The following RAB5B variants were observed in gnomAD, a reference collection of about 807,000 sequenced individuals.
The protein encoded by RAB5B is RAB5B, member RAS oncogene family.
A neutral mutation model predicts 28.6 loss-of-function variants in RAB5B; 11 were observed. The observed-to-expected ratio is 0.38, with a 90% CI of 0.24 to 0.64. The LOEUF is 0.64. Ranked by LOEUF, RAB5B falls within the 30% of genes least tolerant of loss-of-function variation. RAB5B has a pLI of 0.53. For synonymous variants in RAB5B, 93 were observed against 97.9 expected (o/e 0.95, Z 0.29); for missense variants, 169 against 265.6 (o/e 0.64, Z 2.53).
chr12:55,987,513 CTT>C (rs1889986136), intron 2 of RAB5B, among the ~76,000 whole-genome samples: 1 of 152,032 alleles, frequency 6.6e-6, no homozygotes, highest in Non-Finnish European at 1.5e-5. Context: ...AGCTGGCCCT[CTT>C]AGTCCCATTC....
rs943391526 is a variant in RAB5B, at chr12:55,990,595, G to C, written c.316-87G>C. ...TTCACTGAGGGAAGACCACCTAGAA[G>C]AGGTGAATTTTGAGACTCATTTTAA... On this transcript the variant is annotated intron_variant, in intron 3 of 5. Transcript: ENST00000360299. 2.6e-6 allele frequency: 4 copies of C among 1,527,622 alleles called. No individual in the cohort carries two copies. In the African/African-American group the frequency reaches 5.5e-5, roughly 21 times the overall value. The allele number at this position is 1,527,622 out of a possible 1,614,324, so 94.6% of individuals were successfully genotyped here.
At chr12:55,992,073 G>C (rs772565133) in intron 5 of RAB5B, 24 bp from the exon 6 acceptor site, 22 of 1,593,626 alleles carry the variant, frequency 1.4e-5, no homozygotes, top group Non-Finnish European at 1.7e-6. Flanking sequence ...ACCATACTTT[G>C]TTCTCTTCTC....
intron 1 of RAB5B, among the ~76,000 whole-genome samples, chr12:55,979,858 A>G (rs968068532): frequency 6.6e-6 from 1 of 152,352 alleles, no homozygotes; most frequent in East Asian, 1.9e-4. Flanking sequence ...GTATAGTGGT[A>G]TAAGAGGCAG....
chr12:55,977,572 G>T (rs895091059), intron 1 of RAB5B, among the ~76,000 whole-genome samples: 3 of 152,142 alleles, frequency 2.0e-5, no homozygotes, highest in Admixed American at 6.5e-5. Context: ...TGAGAAGGAG[G>T]CATAGGGTAG....
In RAB5B at chr12:55,995,171, A is replaced by G. The variant is rs1054701282; in HGVS notation, c.*2959A>G. 3 of 151,956 alleles carry G rather than the reference A, an allele frequency of 2.0e-5. No individual in the cohort carries two copies. Among genetic ancestry groups the G allele is most frequent in the African/African-American group, 7.3e-5 (3 of 41,352 alleles). 9.4% of individuals were successfully genotyped at this position (151,956 alleles called of 1,614,324 possible). A position where few individuals can be genotyped will look rare whatever the true frequency, so the allele number is the denominator to read the frequency against. ...AGTGGCACGATCTTGGCTCACAGCA[A>G]TCTCCGCCTCCTGAGTTCAAGTGAT... On this transcript the variant is annotated 3_prime_UTR_variant, in exon 6 of 6. Transcript: ENST00000360299.
At chr12:55,990,536 G>C in intron 3 of RAB5B, 146 bp from the exon 4 acceptor site, 3 of 1,136,734 alleles carry the variant, frequency 2.6e-6, no homozygotes. Context: ...CAAGTGCTAA[G>C]AAGACAGATA....
At position 55,990,059 on chromosome 12, in the gene RAB5B, T is replaced by C; in HGVS notation, c.276T>C (p.Gly92=). ...GCTTAGCCCCCATGTACTACAGGGG[T>C]GCCCAAGCTGCAATCGTGGTTTACG... The part of the protein sequence containing the change: ...YHSLAPMYYR[G]AQAAIVVYDI... The change falls in exon 3 of 6, where the codon GGT becomes GGC. Residue 92 remains glycine (G), a synonymous_variant. Coordinates refer to ENST00000360299, the MANE Select transcript of RAB5B (RefSeq NM_002868.4). The C allele has an allele frequency of 6.2e-7, 1 of 1,614,022 alleles. No individual in the cohort carries two copies. Among genetic ancestry groups the C allele is most frequent in the Non-Finnish European group, 8.5e-7 (1 of 1,179,980 alleles).
intron 4 of RAB5B, chr12:55,991,129 C>T (rs776429412): frequency 3.6e-6 from 2 of 549,848 alleles, no homozygotes; most frequent in Non-Finnish European, 6.5e-6. Context: ...CTAACTTACC[C>T]TCTCCCCTAT....
rs377046623 is a variant in RAB5B at position 55,992,153 on chromosome 12, C to T, written c.589C>T (p.Arg197Trp). Residue 197 changes from arginine (R) to tryptophan (W), a missense_variant, in exon 6 of 6, where the codon CGG becomes TGG. Physicochemically the swap from Arg to Trp is moderately radical, Grantham distance 101 (BLOSUM62 -3). Coordinates refer to ENST00000360299, the MANE Select transcript of RAB5B (RefSeq NM_002868.4). ...TCTGGGAGGTGCAGCAGGCCGAAGC[C>T]GGGGTGTGGATCTCCATGAACAGTC... The part of the protein sequence containing the change: ...QNLGGAAGRS[R>W]GVDLHEQSQQ... 12 of 1,614,100 alleles carry T rather than the reference C, an allele frequency of 7.4e-6. No homozygotes were observed. The highest frequency in any genetic ancestry group is 2.2e-5 in the East Asian group (1 of 44,888).
In RAB5B at chr12:55,981,017, T is replaced by C. The variant is rs1048800532; in HGVS notation, c.-92-5852T>C. On this transcript the variant is annotated intron_variant, in intron 1 of 5. Transcript: ENST00000360299. ...GATCAGCAGCAACTTGAAGAGGTGG[T>C]CGTAGGCTTTGGCCATGGCGGACAC... 4.3e-6 allele frequency: 7 copies of C among 1,613,858 alleles called. No individual in the cohort carries two copies. In the African/African-American group the frequency reaches 9.3e-5, roughly 22 times the overall value.
At position 55,987,014 on chromosome 12, in the gene RAB5B, T is replaced by C. The variant is rs1889971480; in HGVS notation, c.54T>C (p.Ile18=). ...RPNGQPQASK[I]CQFKLVLLGE... ...ATGGGCAACCCCAGGCCAGCAAAAT[T>C]TGCCAGTTCAAATTGGTCCTGCTGG... Residue 18 remains isoleucine (I), a synonymous_variant, in exon 2 of 6, where the codon ATT becomes ATC. Coordinates refer to ENST00000360299, the MANE Select transcript of RAB5B (RefSeq NM_002868.4). The C allele has an allele frequency of 6.3e-7, 1 of 1,594,582 alleles. No individual in the cohort carries two copies. Among genetic ancestry groups the C allele is most frequent in the Non-Finnish European group, 8.6e-7 (1 of 1,168,600 alleles).
chr12:55,993,091 C>A lies in RAB5B; in HGVS notation c.*879C>A, dbSNP rs1890185712. On this transcript the variant is annotated 3_prime_UTR_variant, in exon 6 of 6. Transcript: ENST00000360299. The stretch of plus-strand genomic sequence containing the variant: ...TTGGAGGAGGGACAGTTTCTGGTAC[C>A]CATCCTCTGATTTATACATATGCAT... The A allele has an allele frequency of 6.4e-6, 1 of 156,164 alleles. No homozygotes were observed. Among genetic ancestry groups the A allele is most frequent in the Non-Finnish European group, 1.4e-5 (1 of 70,914 alleles). The allele number at this position is 156,164 out of a possible 1,614,324, so 9.7% of individuals were successfully genotyped here.
At chr12:55,982,113 C>T (rs34063993) in intron 1 of RAB5B, among the ~76,000 whole-genome samples, 1 of 151,906 alleles carries the variant, frequency 6.6e-6, no homozygotes, top group African/African-American at 2.4e-5. Flanking sequence ...AGCTGCACTT[C>T]TAAGGGAAGT....
rs56291639 is a variant in RAB5B, at chr12:55,996,003, A to ATTTTTTTTTTTTTTTTTTTTTT, written c.*3801_*3802insTTTTTTTTTTTTTTTTTTTTTT. 6 of 97,384 alleles carry ATTTTTTTTTTTTTTTTTTTTTT rather than the reference A, an allele frequency of 6.2e-5. No individual in the cohort carries two copies. The highest frequency in any genetic ancestry group is 2.4e-4 in the African/African-American group (5 of 21,132). The allele number at this position is 97,384 out of a possible 1,614,324, so 6.0% of individuals were successfully genotyped here. A position where few individuals can be genotyped will look rare whatever the true frequency, so the allele number is the denominator to read the frequency against. On this transcript the variant is annotated 3_prime_UTR_variant, in exon 6 of 6. Transcript: ENST00000360299. Reference sequence around the variant, plus strand: ...TATATACATATATATATATATATATATTTTTTTTTTAACAACTGGTAGGAT... The same window carrying ATTTTTTTTTTTTTTTTTTTTTT: ...TATATACATATATATATATATATATATTTTTTTTTTTTTTTTTTTTTTTTTTTTTTTTAACAACTGGTAGGAT...
intron 2 of RAB5B, 23 bp downstream of exon 2, chr12:55,987,146 A>G: frequency 6.3e-7 from 1 of 1,576,114 alleles, no homozygotes; most frequent in African/African-American, 1.4e-5. Context: ...GGGTAATAGG[A>G]GATTGAATGT....
rs1022810612 is a variant in RAB5B, at chr12:55,996,656, T to C, written c.*4444T>C. The stretch of plus-strand genomic sequence containing the variant: ...CAAGGGGCGATTATTATTTTTTTTT[T>C]CTACGCAAAATAAAAGACGGCTATT... On this transcript the variant is annotated 3_prime_UTR_variant, in exon 6 of 6. Transcript: ENST00000360299. The C allele has an allele frequency of 3.3e-5, 5 of 152,158 alleles. No homozygotes were observed. The highest frequency in any genetic ancestry group is 4.8e-5 in the African/African-American group (2 of 41,442). The allele number at this position is 152,158 out of a possible 1,614,324, so 9.4% of individuals were successfully genotyped here.
intron 2 of RAB5B, among the ~76,000 whole-genome samples, chr12:55,989,287 T>A (rs188061187): frequency 2.6e-5 from 4 of 151,880 alleles, no homozygotes; most frequent in African/African-American, 9.7e-5. Context: ...GTTTGTTTGT[T>A]TTTTGAGACG....
At chr12:55,983,022 G>T (rs993855334) in intron 1 of RAB5B, among the ~76,000 whole-genome samples, 1 of 152,018 alleles carries the variant, frequency 6.6e-6, no homozygotes, top group African/African-American at 2.4e-5. Flanking sequence ...AAGGAAACTT[G>T]ATCAGCTTAT....
intron 1 of RAB5B, among the ~76,000 whole-genome samples, chr12:55,977,278 TGTGC>T (rs1373786976): frequency 1.6e-5 from 2 of 126,198 alleles, no homozygotes; most frequent in East Asian, 4.1e-4. Context: ...CCTGGCCGTG[TGTGC>T]GTGTGTGTGT....
Sources: gnomAD v4.1 joint callset for allele counts (sites outside exome capture counted in the v4.1 genomes callset) on GRCh38, gnomAD v4.1.1 for gene constraint, MANE v1.5 for transcripts, NCBI Gene and HGNC (gene_info 2026-07-23, HGNC 2026-07-21) for gene names.